PLVAP: variants seen among roughly 807,000 people sequenced by gnomAD.
The protein encoded by PLVAP is plasmalemma vesicle associated protein, also known as plasmalemma vesicle-associated protein.
In PLVAP, 34 loss-of-function variants were observed where a neutral mutation model predicts 43.1. The observed-to-expected ratio is 0.79, with a 90% CI of 0.60 to 1.05. The LOEUF (loss-of-function observed/expected upper bound fraction) is 1.05. Among genes scored for constraint, PLVAP ranks in the 50% least tolerant of loss-of-function variants. The pLI, the probability that PLVAP is intolerant of heterozygous loss-of-function variation, is 0.00. For synonymous variants in PLVAP, 241 were observed against 237.3 expected, an observed-to-expected ratio of 1.02 and a Z score of -0.14; for missense variants, 574 against 593.4, an observed-to-expected ratio of 0.97 and a Z score of 0.34.
intron 5 of PLVAP, 37 bp from the exon 6 acceptor site, chr19:17,352,405 C>A: frequency 6.2e-7 from 1 of 1,608,892 alleles, no homozygotes; most frequent in South Asian, 1.1e-5. Flanking sequence ...AACAGAGTGT[C>A]AGACAGAGGG....
At chr19:17,362,982 T>G (rs527241286) in intron 3 of PLVAP, among the ~76,000 whole-genome samples, 4 of 152,066 alleles carry the variant, frequency 2.6e-5, no homozygotes, top group Non-Finnish European at 5.9e-5. Context: ...GGATTTTAAC[T>G]CCGACCCTAA....
At position 17,366,179 on chromosome 19, in the gene PLVAP, T is replaced by G. The variant is rs201733879; in HGVS notation, c.386A>C (p.Asn129Thr). The G allele has an allele frequency of 1.9e-6, 3 of 1,613,992 alleles. No individual in the cohort carries two copies. Among genetic ancestry groups the G allele is most frequent in the Admixed American group, 3.3e-5 (2 of 59,974 alleles). Reference sequence around the variant, plus strand: ...GATGATGGCAGCCATGTACCTCTGATTGTTCGTGTAGATGACCTGCCCGGA... The same window carrying G: ...GATGATGGCAGCCATGTACCTCTGAGTGTTCGTGTAGATGACCTGCCCGGA... ...CQGDRVIYTNNQRYMAAIILS... is the reference protein window; with the variant it reads ...CQGDRVIYTNTQRYMAAIILS... Residue 129 changes from asparagine to threonine, a missense_variant, in exon 2 of 6, where the codon AAT (asparagine) becomes ACT (threonine). Coordinates refer to ENST00000252590, the MANE Select transcript of PLVAP (RefSeq NM_031310.3).
chr19:17,377,241 G>A lies in PLVAP; in HGVS notation c.48C>T (p.Gly16=), dbSNP rs779115804. The stretch of plus-strand genomic sequence containing the variant: ...GGTAATACCAGCAGCCCCGAGAGCT[G>A]CCCCCCGCCCGAGCGTAGGACCCTC... The part of the protein sequence containing the change: ...EHGGSYARAG[G]SSRGCWYYLR... The change falls in exon 1 of 6, where the codon GGC becomes GGT. Residue 16 remains glycine, a synonymous_variant. Coordinates refer to ENST00000252590, the MANE Select transcript of PLVAP (RefSeq NM_031310.3). 5.6e-6 allele frequency: 9 copies of A among 1,613,892 alleles called. No homozygotes were observed. In the Admixed American group the frequency reaches 1.0e-4, roughly 18 times the overall value.
intron 5 of PLVAP, among the ~76,000 whole-genome samples, chr19:17,358,343 C>G (rs562583982): frequency 6.6e-6 from 1 of 151,560 alleles, no homozygotes; most frequent in Non-Finnish European, 1.5e-5. Context: ...GCAAAGCTTT[C>G]GGAAATCTAC....
At position 17,365,999 on chromosome 19, in the gene PLVAP, C is replaced by T; in HGVS notation, c.467-1G>A. 3.1e-6 allele frequency: 5 copies of T among 1,612,290 alleles called. No homozygotes were observed. The highest frequency in any genetic ancestry group is 4.2e-6 in the Non-Finnish European group (5 of 1,178,604). On this transcript the variant is annotated splice_acceptor_variant, in intron 2 of 5. Coordinates refer to ENST00000252590, the MANE Select transcript of PLVAP (RefSeq NM_031310.3). LOFTEE classifies it high-confidence loss of function. ...TTCTGATTCAGCATGAAGAGCAAGG[C>T]TAAGGAAAACAGGACCAGGAGACCC...
chr19:17,374,496 A>G (rs546969401), intron 1 of PLVAP, among the ~76,000 whole-genome samples: 1 of 151,812 alleles, frequency 6.6e-6, no homozygotes, highest in Non-Finnish European at 1.5e-5. Context: ...GCTTCTCCCT[A>G]CTTCCCGGGA....
intron 3 of PLVAP, among the ~76,000 whole-genome samples, chr19:17,364,880 C>T (rs1461859426): frequency 6.9e-6 from 1 of 144,170 alleles, no homozygotes; most frequent in Non-Finnish European, 1.5e-5. Flanking sequence ...TCAAGCGATT[C>T]TCCTGCTTCA....
At position 17,360,624 on chromosome 19, in the gene PLVAP, A is replaced by G; in HGVS notation, c.1241-15T>C. 6.2e-7 allele frequency: 1 copy of G among 1,608,444 alleles called. No homozygotes were observed. The highest frequency in any genetic ancestry group is 8.5e-7 in the Non-Finnish European group (1 of 1,176,684). ...GCTAGCTGGGTCTGTGGAGGGAGAGAGGTGAGGCTTGACCTACAGCTTCAG... is the reference window on the plus strand; with the variant it reads ...GCTAGCTGGGTCTGTGGAGGGAGAGGGGTGAGGCTTGACCTACAGCTTCAG... On this transcript the variant is annotated splice_polypyrimidine_tract_variant and intron_variant, in intron 4 of 5. Transcript: ENST00000252590.
intron 1 of PLVAP, among the ~76,000 whole-genome samples, chr19:17,368,723 A>C (rs1372983328): frequency 6.6e-6 from 1 of 152,008 alleles, no homozygotes; most frequent in Non-Finnish European, 1.5e-5. Context: ...CACGCCTGTA[A>C]TCCCAGCACT....
chr19:17,352,511 C>T, intron 5 of PLVAP, 143 bp from the exon 6 acceptor site: 1 of 895,166 alleles, frequency 1.1e-6, no homozygotes, highest in Non-Finnish European at 1.8e-6. Flanking sequence ...TGGGCCCCTA[C>T]TTCTTCCTCA....
At chr19:17,363,264 G>A (rs954468163) in intron 3 of PLVAP, among the ~76,000 whole-genome samples, 7 of 151,762 alleles carry the variant, frequency 4.6e-5, no homozygotes, top group East Asian at 3.9e-4. Context: ...CCTGGGTTCC[G>A]GCGATTCTCA....
intron 5 of PLVAP, among the ~76,000 whole-genome samples, chr19:17,356,378 C>T (rs1368388620): frequency 6.6e-6 from 1 of 152,162 alleles, no homozygotes; most frequent in Non-Finnish European, 1.5e-5. Flanking sequence ...ATGTGGGGCC[C>T]TGCGTCGGCC....
intron 5 of PLVAP, 105 bp from the exon 6 acceptor site, chr19:17,352,473 G>T (rs2074490304): frequency 1.5e-6 from 2 of 1,338,336 alleles, no homozygotes; most frequent in Non-Finnish European, 2.1e-6. Flanking sequence ...CAACATCCTG[G>T]GGACCCCGGC....
In PLVAP at chr19:17,376,117, T is replaced by A. The variant is rs10469472; in HGVS notation, c.369+803A>T. Among the ~76,000 whole-genome samples, 3 of 150,946 alleles carry A rather than the reference T, an allele frequency of 2.0e-5. No homozygotes were observed. In the South Asian group the frequency reaches 6.3e-4, roughly 32 times the overall value. ...TGCTGGAGCCCAGGATGTCAAGGCT[T>A]CAGTGAGCTATGCTCACATCACTGT... is the stretch of plus-strand genomic sequence containing the variant. On this transcript the variant is annotated intron_variant, in intron 1 of 5. Transcript: ENST00000252590.
chr19:17,365,641 A>G lies in PLVAP; in HGVS notation c.824T>C (p.Met275Thr), dbSNP rs543086219. ...LASIRRACDH[M>T]PSLMSSKVEE... ...CACCTTGGAGCTCATGAGGCTGGGCATGTGGTCGCAGGCTCTGCGGATGGA... is the reference window on the plus strand; with the variant it reads ...CACCTTGGAGCTCATGAGGCTGGGCGTGTGGTCGCAGGCTCTGCGGATGGA... The change falls in exon 3 of 6, where the codon ATG becomes ACG. Residue 275 changes from methionine (M) to threonine (T), a missense_variant. Transcript: ENST00000252590. 1.4e-5 allele frequency: 23 copies of G among 1,613,666 alleles called. No individual in the cohort carries two copies. Among genetic ancestry groups the G allele is most frequent in the African/African-American group, 2.7e-5 (2 of 75,062 alleles).
chr19:17,354,011 C>G (rs952728113), intron 5 of PLVAP, among the ~76,000 whole-genome samples: 1 of 152,174 alleles, frequency 6.6e-6, no homozygotes, highest in African/African-American at 2.4e-5. Flanking sequence ...CCCATACGGC[C>G]GGGCGCGGTG....
At chr19:17,362,479 C>G (rs1378018728) in intron 3 of PLVAP, 1 of 152,472 alleles carries the variant, frequency 6.6e-6, no homozygotes, top group Non-Finnish European at 1.5e-5. Flanking sequence ...ACTCAACCTT[C>G]CACCAGTCAC....
rs549401706 is a variant in PLVAP, at chr19:17,353,142, G to A, written c.1323-774C>T. 4.6e-5 allele frequency among the ~76,000 whole-genome samples: 7 copies of A among 152,300 alleles called. No homozygotes were observed. The East Asian group carries it at 1.2e-3, about 25-fold the overall frequency. ...GGGGCTGTGGCTAAGTCCCGCTTCC[G>A]CTGGTCCTCTCCCTTCCTTCCCCGG... On this transcript the variant is annotated intron_variant, in intron 5 of 5. Coordinates refer to ENST00000252590, the MANE Select transcript of PLVAP (RefSeq NM_031310.3).
Position 17,365,421 on chromosome 19 carries a change from C to T in PLVAP, c.1044G>A (p.Leu348=). 6.2e-7 allele frequency: 1 copy of T among 1,613,260 alleles called. No individual in the cohort carries two copies. The highest frequency in any genetic ancestry group is 2.2e-5 in the East Asian group (1 of 44,872). Residue 348 remains leucine (L), a synonymous_variant, in exon 3 of 6, where the codon CTG becomes CTA. Coordinates refer to ENST00000252590, the MANE Select transcript of PLVAP (RefSeq NM_031310.3). The part of the protein sequence containing the change: ...AECSRQTQLA[L]EEKAVLRKER... The stretch of plus-strand genomic sequence containing the variant: ...CCTTCCGCAGCACCGCCTTCTCCTC[C>T]AGCGCTAGCTGGGTCTGCCGGGAGC...
Sources: gnomAD v4.1 joint callset for allele counts (sites outside exome capture counted in the v4.1 genomes callset) on GRCh38, gnomAD v4.1.1 for gene constraint, MANE v1.5 for transcripts, NCBI Gene and HGNC (gene_info 2026-07-23, HGNC 2026-07-21) for gene names.